Variants in SWAP70 observed in about 807,000 individuals in gnomAD.
SWAP70 encodes the protein switch-associated protein 70.
SWAP70 carries 34 observed loss-of-function variants against 80.2 expected under a neutral mutation model. The ratio of observed to expected loss-of-function variants is 0.42; its 90% CI spans 0.32 to 0.56. The LOEUF is 0.56. SWAP70 is among the 20% of genes least tolerant of loss of function. The pLI is 0.09. For synonymous variants in SWAP70, 239 were observed against 238.5 expected (o/e 1.00, Z -0.02); for missense variants, 578 against 690.7 (o/e 0.84, Z 1.83).
In SWAP70 at chr11:9,745,248, AGTT is replaced by A. The variant is rs373078671; in HGVS notation, c.1356-2604_1356-2602del. ...CTTGAGAGAATGGCCAACTTTATACAGTTGTTGTGAGGATGAAATGAAATGATG... is the reference window on the plus strand; with the variant it reads ...CTTGAGAGAATGGCCAACTTTATACAGTTGTGAGGATGAAATGAAATGATG... On this transcript the variant is annotated intron_variant, in intron 9 of 11. Transcript: ENST00000318950. 5.7e-3 allele frequency among the ~76,000 whole-genome samples: 867 copies of A among 152,296 alleles called. 8 individuals are homozygous for A. Among genetic ancestry groups the A allele is most frequent in the African/African-American group, 0.02 (816 of 41,538 alleles).
intron 2 of SWAP70, among the ~76,000 whole-genome samples, chr11:9,702,317 C>T (rs1358242186): frequency 6.6e-6 from 1 of 152,082 alleles, no homozygotes; most frequent in Admixed American, 6.6e-5. Flanking sequence ...CACCCAAACC[C>T]GTGCTTTCAT....
intron 4 of SWAP70, among the ~76,000 whole-genome samples, chr11:9,725,561 ATATATATATTTT>A (rs1590040011): frequency 6.2e-5 from 1 of 16,108 alleles, no homozygotes; most frequent in East Asian, 1.3e-3. Flanking sequence ...ATATATATAT[ATATATATATTTT>A]TTTTTTTTTT....
At position 9,725,569 on chromosome 11, in the gene SWAP70, A is replaced by ATTTTT. The variant is rs746391271; in HGVS notation, c.642+699_642+703dup. On this transcript the variant is annotated intron_variant, in intron 4 of 11. Coordinates refer to ENST00000318950, the MANE Select transcript of SWAP70 (RefSeq NM_015055.4). ...TATATATATATATATATATATATAT[A>ATTTTT]TTTTTTTTTTTTTTTTTTTCCAAGA... Among the ~76,000 whole-genome samples the ATTTTT allele has an allele frequency of 1.4e-3, 36 of 26,596 alleles. 1 individual carries two copies. The highest frequency in any genetic ancestry group is 1.9e-3 in the Non-Finnish European group (29 of 15,324). The allele number at this position is 26,596 out of a possible 152,430, so 17.4% of individuals were successfully genotyped here. A position where few individuals can be genotyped will look rare whatever the true frequency, so the allele number is the denominator to read the frequency against.
intron 3 of SWAP70, chr11:9,720,585 A>T: frequency 1.6e-6 from 1 of 615,422 alleles, no homozygotes; most frequent in Non-Finnish European, 2.0e-6. Context: ...CTGCACACAC[A>T]TGTGGCTATA....
chr11:9,713,909 T>A (rs1394597310), intron 3 of SWAP70, among the ~76,000 whole-genome samples: 2 of 152,202 alleles, frequency 1.3e-5, no homozygotes, highest in African/African-American at 4.8e-5. Flanking sequence ...CAAAGAGTAT[T>A]CTGTACAAGT....
intron 2 of SWAP70, among the ~76,000 whole-genome samples, chr11:9,704,753 C>T (rs1426600213): frequency 6.6e-6 from 1 of 152,144 alleles, no homozygotes; most frequent in African/African-American, 2.4e-5. Context: ...CTGTCTTCCT[C>T]CTCGCACTAG....
At chr11:9,705,971 T>C (rs866856637) in intron 2 of SWAP70, among the ~76,000 whole-genome samples, 8 of 40,868 alleles carry the variant, frequency 2.0e-4, no homozygotes, top group South Asian at 2.1e-3. Context: ...GATCTGTGTA[T>C]ACTTGGTGAT....
intron 1 of SWAP70, among the ~76,000 whole-genome samples, chr11:9,679,964 C>T (rs531216384): frequency 2.2e-4 from 33 of 152,280 alleles, no homozygotes; most frequent in Non-Finnish European, 3.5e-4. Context: ...CCACTGCACG[C>T]GGCCTGCTTT....
chr11:9,714,383 G>T (rs75579795), intron 3 of SWAP70, among the ~76,000 whole-genome samples: 3,796 of 152,254 alleles, frequency 0.025, 157 homozygotes, highest in African/African-American at 0.086. Flanking sequence ...TAGTCTAAGG[G>T]TTGTGAAATT....
At chr11:9,694,686 A>G (rs1438413830) in intron 2 of SWAP70, among the ~76,000 whole-genome samples, 3 of 152,360 alleles carry the variant, frequency 2.0e-5, no homozygotes, top group Admixed American at 2.0e-4. Flanking sequence ...GAAGACATTT[A>G]CACGGCCAAC....
chr11:9,718,860 G>A (rs1200764950), intron 3 of SWAP70, among the ~76,000 whole-genome samples: 2 of 152,050 alleles, frequency 1.3e-5, no homozygotes, highest in Non-Finnish European at 2.9e-5. Context: ...CAATCTTTGG[G>A]AGGCTGAGGT....
intron 1 of SWAP70, among the ~76,000 whole-genome samples, chr11:9,692,508 G>A (rs1009547329): frequency 7.9e-5 from 12 of 151,582 alleles, no homozygotes; most frequent in African/African-American, 1.2e-4. Context: ...TCCGTACATA[G>A]CAAGCTTTCT....
intron 1 of SWAP70, among the ~76,000 whole-genome samples, chr11:9,683,225 C>T (rs1300456664): frequency 6.6e-6 from 1 of 151,150 alleles, no homozygotes; most frequent in Admixed American, 6.6e-5. Flanking sequence ...ATGGTGAAAC[C>T]TGTTTCTACA....
chr11:9,724,936 T>A (rs1851188897), intron 4 of SWAP70, 51 bp downstream of exon 4: 1 of 1,243,336 alleles, frequency 8.0e-7, no homozygotes, highest in African/African-American at 1.5e-5. Context: ...TTTGACATTT[T>A]AAAATTAATA....
rs1035122376 is a variant in SWAP70 at position 9,664,086 on chromosome 11, C to T, written c.-94C>T. 9 of 1,238,154 alleles carry T rather than the reference C, an allele frequency of 7.3e-6. No individual in the cohort carries two copies. The Admixed American group carries it at 1.4e-4, about 19-fold the overall frequency. The allele number at this position is 1,238,154 out of a possible 1,614,324, so 76.7% of individuals were successfully genotyped here. On this transcript the variant is annotated 5_prime_UTR_variant, in exon 1 of 12. Transcript: ENST00000318950. ...CGGGGCCTGGCGGGTCAGGTGACTG[C>T]GCGGCGGGCTGTGGCTGCGGAGGTT...
intron 7 of SWAP70, among the ~76,000 whole-genome samples, chr11:9,733,350 C>T (rs1489330121): frequency 6.6e-6 from 1 of 152,196 alleles, no homozygotes; most frequent in Non-Finnish European, 1.5e-5. Context: ...AATCAATGAG[C>T]ACTTGCTAAC....
At chr11:9,702,046 A>T (rs770784066) in intron 2 of SWAP70, among the ~76,000 whole-genome samples, 3 of 152,246 alleles carry the variant, frequency 2.0e-5, no homozygotes, top group Admixed American at 6.5e-5. Flanking sequence ...GGAAACATAC[A>T]CAAAAGAAAA....
intron 1 of SWAP70, among the ~76,000 whole-genome samples, chr11:9,689,612 AT>A (rs1850671506): frequency 6.6e-6 from 1 of 152,180 alleles, no homozygotes; most frequent in Non-Finnish European, 1.5e-5. Flanking sequence ...GATTAGAATG[AT>A]TTGGGGCAGT....
intron 2 of SWAP70, among the ~76,000 whole-genome samples, chr11:9,695,708 C>T (rs988623174): frequency 2.0e-5 from 3 of 151,912 alleles, no homozygotes; most frequent in Non-Finnish European, 2.9e-5. Context: ...TGTAACAAAC[C>T]TGCACGTGCT....
Sources: gnomAD v4.1 joint callset for allele counts (sites outside exome capture counted in the v4.1 genomes callset) on GRCh38, gnomAD v4.1.1 for gene constraint, MANE v1.5 for transcripts, NCBI Gene and HGNC (gene_info 2026-07-23, HGNC 2026-07-21) for gene names.